CCDC62: variants seen among roughly 807,000 people sequenced by gnomAD.
CCDC62 encodes the protein coiled-coil domain-containing protein 62.
CCDC62 carries 72 observed loss-of-function variants against 80.8 expected under a neutral mutation model. That is an observed-to-expected ratio of 0.89 (90% CI 0.74 to 1.08). The LOEUF (loss-of-function observed/expected upper bound fraction) is 1.08. Among genes scored for constraint, CCDC62 ranks in the 50% least tolerant of loss-of-function variants. The pLI is 0.00. For synonymous variants in CCDC62, 286 were observed against 296.5 expected (o/e 0.96, Z 0.36); for missense variants, 704 against 809.4 (o/e 0.87, Z 1.58).
At chr12:122,796,540 C>T (rs1167745850) in intron 6 of CCDC62, among the ~76,000 whole-genome samples, 1 of 152,136 alleles carries the variant, frequency 6.6e-6, no homozygotes, top group Admixed American at 6.6e-5. Flanking sequence ...AGATGCACTA[C>T]GGATATCACT....
At chr12:122,812,777 G>GAGAGAGAGAGAGAGAAAGAA (rs750420995) in intron 10 of CCDC62, among the ~76,000 whole-genome samples, 17 of 57,780 alleles carry the variant, frequency 2.9e-4, no homozygotes, top group African/African-American at 1.2e-3. Context: ...GAGAGAGAGA[G>GAGAGAGAGAGAGAGAAAGAA]AGAAAGAAAG....
intron 11 of CCDC62, among the ~76,000 whole-genome samples, chr12:122,815,658 A>G (rs2032138007): frequency 6.6e-6 from 1 of 151,324 alleles, no homozygotes; most frequent in Admixed American, 6.6e-5. Context: ...CGTGTTAGCC[A>G]GGATGGTCTC....
intron 10 of CCDC62, among the ~76,000 whole-genome samples, chr12:122,812,214 G>A (rs140697330): frequency 0.012 from 1,746 of 151,660 alleles, 33 homozygotes; most frequent in African/African-American, 0.04. Flanking sequence ...AGTTCGAGGC[G>A]GATGGATCAC....
chr12:122,797,269 G>A (rs769048885), intron 6 of CCDC62, 38 bp from the exon 7 acceptor site: 4 of 972,406 alleles, frequency 4.1e-6, no homozygotes, highest in Admixed American at 1.7e-5. Context: ...TGTGGCTATA[G>A]CTGATGAAAA....
rs2031292716 is a variant in CCDC62, at chr12:122,801,326, A to G, written c.1180A>G (p.Thr394Ala). Residue 394 changes from threonine to alanine, a missense_variant, in exon 9 of 13, where the codon ACG becomes GCG. By Grantham distance (58) the Thr-to-Ala change is moderately conservative (BLOSUM62 0). Transcript: ENST00000253079. The stretch of plus-strand genomic sequence containing the variant: ...TGTGTTTGGGGAGAAAAGTGTAATT[A>G]CGCTGTCATCCATATTCACCAAAGA... ...DTVFGEKSVI[T>A]LSSIFTKDLV... is the part of the protein sequence containing the mutation. 6.2e-7 allele frequency: 1 copy of G among 1,613,994 alleles called. No individual in the cohort carries two copies. Among genetic ancestry groups the G allele is most frequent in the African/African-American group, 1.3e-5 (1 of 74,920 alleles).
intron 3 of CCDC62, among the ~76,000 whole-genome samples, chr12:122,784,778 T>C (rs1178799232): frequency 6.6e-6 from 1 of 152,154 alleles, no homozygotes; most frequent in African/African-American, 2.4e-5. Flanking sequence ...AAGGTTACTA[T>C]GAGCTATGAG....
At chr12:122,784,450 G>T (rs1294336980) in intron 3 of CCDC62, among the ~76,000 whole-genome samples, 3 of 152,184 alleles carry the variant, frequency 2.0e-5, no homozygotes, top group Non-Finnish European at 4.4e-5. Flanking sequence ...GAACCCAGGA[G>T]GCAGAGGTTG....
At chr12:122,806,690 G>T (rs1037240493) in intron 10 of CCDC62, among the ~76,000 whole-genome samples, 2 of 151,770 alleles carry the variant, frequency 1.3e-5, no homozygotes, top group Admixed American at 6.6e-5. Context: ...TTGTTGCCCA[G>T]TCTGGTCTTG....
chr12:122,812,921 G>A (rs372368627), intron 10 of CCDC62, among the ~76,000 whole-genome samples: 11 of 152,048 alleles, frequency 7.2e-5, no homozygotes, highest in African/African-American at 2.2e-4. Flanking sequence ...CAGGTGATCG[G>A]GTGTAGTGGC....
At chr12:122,784,814 GAC>G (rs762059475) in intron 3 of CCDC62, among the ~76,000 whole-genome samples, 2 of 152,002 alleles carry the variant, frequency 1.3e-5, no homozygotes, top group Non-Finnish European at 2.9e-5. Flanking sequence ...CAGCCTGGGT[GAC>G]AGAGTGAGGT....
intron 5 of CCDC62, among the ~76,000 whole-genome samples, chr12:122,791,764 A>T (rs1232255499): frequency 6.6e-6 from 1 of 152,162 alleles, no homozygotes; most frequent in East Asian, 1.9e-4. Context: ...TGATTTTTAA[A>T]AGATTGCTCT....
intron 12 of CCDC62, among the ~76,000 whole-genome samples, chr12:122,823,662 T>C (rs560642798): frequency 1.6e-4 from 24 of 149,918 alleles, no homozygotes; most frequent in Admixed American, 1.3e-3. Flanking sequence ...CAAAAAGTTC[T>C]CCTGCACTCC....
intron 6 of CCDC62, among the ~76,000 whole-genome samples, chr12:122,796,375 C>T (rs1405717512): frequency 6.6e-6 from 1 of 151,970 alleles, no homozygotes; most frequent in Non-Finnish European, 1.5e-5. Context: ...AACTCCTGGG[C>T]TCAAGCAATC....
chr12:122,808,562 T>A (rs1472839553), intron 10 of CCDC62, among the ~76,000 whole-genome samples: 4 of 152,144 alleles, frequency 2.6e-5, no homozygotes, highest in Non-Finnish European at 5.9e-5. Context: ...GGTCTCACTC[T>A]GTCGCCCAAG....
At chr12:122,791,427 C>T (rs911355423) in intron 5 of CCDC62, among the ~76,000 whole-genome samples, 1 of 151,842 alleles carries the variant, frequency 6.6e-6, no homozygotes, top group African/African-American at 2.4e-5. Flanking sequence ...GTGTGAGCCA[C>T]TGCACTTGGC....
chr12:122,783,024 T>C (rs1014633852), intron 3 of CCDC62, among the ~76,000 whole-genome samples: 2 of 150,574 alleles, frequency 1.3e-5, no homozygotes, highest in Non-Finnish European at 3.0e-5. Context: ...GGAGAGTCAA[T>C]TGAACCTGAG....
chr12:122,793,706 C>A (rs1200723569), intron 6 of CCDC62, among the ~76,000 whole-genome samples: 1 of 152,078 alleles, frequency 6.6e-6, no homozygotes, highest in South Asian at 2.1e-4. Context: ...CCCCTTGCCT[C>A]GGCCTCTCAA....
intron 10 of CCDC62, 148 bp downstream of exon 10, chr12:122,806,443 G>A (rs895367811): frequency 6.9e-6 from 4 of 580,038 alleles, no homozygotes; most frequent in Non-Finnish European, 1.1e-5. Flanking sequence ...ATTTTAAGAT[G>A]CTTTTAAGGC....
intron 9 of CCDC62, 41 bp downstream of exon 9, chr12:122,801,893 A>G: frequency 6.3e-7 from 1 of 1,578,144 alleles, no homozygotes; most frequent in Non-Finnish European, 8.6e-7. Context: ...CGGAGCATGC[A>G]TGCCAGTATT....
Sources: gnomAD v4.1 joint callset for allele counts (sites outside exome capture counted in the v4.1 genomes callset) on GRCh38, gnomAD v4.1.1 for gene constraint, MANE v1.5 for transcripts, NCBI Gene and HGNC (gene_info 2026-07-23, HGNC 2026-07-21) for gene names.